The following LUC7L2 variants were observed in gnomAD, a reference collection of about 807,000 sequenced individuals.
LUC7L2 encodes the protein putative RNA-binding protein Luc7-like 2.
A neutral mutation model predicts 52.8 loss-of-function variants in LUC7L2; 25 were observed. The observed-to-expected ratio is 0.47, with a 90% confidence interval of 0.34 to 0.66. The LOEUF is 0.66. Ranked by LOEUF, LUC7L2 falls within the 30% of genes least tolerant of loss-of-function variation. The pLI is 0.01. For synonymous variants in LUC7L2, 144 were observed against 160.9 expected, an observed-to-expected ratio of 0.89 and a Z score of 0.80; for missense variants, 328 against 497.8, an observed-to-expected ratio of 0.66 and a Z score of 3.25.
chr7:139,355,543 A>C (rs1310254798), upstream of LUC7L2, among the ~76,000 whole-genome samples: 1 of 152,212 alleles, frequency 6.6e-6, no homozygotes, highest in East Asian at 1.9e-4. Flanking sequence ...TTCATCAGGG[A>C]ACCAGGAACT....
intron 1 of LUC7L2, among the ~76,000 whole-genome samples, chr7:139,351,020 G>T (rs1339362219): frequency 3.9e-5 from 6 of 152,050 alleles, no homozygotes; most frequent in African/African-American, 1.5e-4. Flanking sequence ...TCAGTTTCAT[G>T]TTCTGTGTAT....
chr7:139,361,903 T>C (rs1799903629), intron 1 of LUC7L2, among the ~76,000 whole-genome samples: 1 of 152,202 alleles, frequency 6.6e-6, no homozygotes, highest in Non-Finnish European at 1.5e-5. Flanking sequence ...ATTTTTGGGA[T>C]CTTCTTCATG....
intron 9 of LUC7L2, 30 bp from the exon 10 acceptor site, chr7:139,422,131 CAT>C: frequency 6.4e-7 from 1 of 1,570,846 alleles, no homozygotes; most frequent in Non-Finnish European, 8.6e-7. Flanking sequence ...GGTTTCCCAA[CAT>C]ATTTTGCTCC....
intron 2 of LUC7L2, among the ~76,000 whole-genome samples, chr7:139,395,506 G>C (rs915521543): frequency 6.6e-6 from 1 of 152,174 alleles, no homozygotes; most frequent in Non-Finnish European, 1.5e-5. Context: ...CATTAAGCAT[G>C]ATGAGGACTT....
At chr7:139,351,847 A>G (rs1799467465) in intron 1 of LUC7L2, among the ~76,000 whole-genome samples, 1 of 152,170 alleles carries the variant, frequency 6.6e-6, no homozygotes, top group Admixed American at 6.5e-5. Flanking sequence ...TTCTTCAACA[A>G]GGATGTATGA....
intron 8 of LUC7L2, among the ~76,000 whole-genome samples, chr7:139,413,818 C>G (rs1447953322): frequency 1.3e-5 from 2 of 152,034 alleles, no homozygotes; most frequent in Non-Finnish European, 2.9e-5. Context: ...TTAGCAACAT[C>G]TATCAATGAT....
intron 1 of LUC7L2, among the ~76,000 whole-genome samples, chr7:139,369,379 G>A (rs545043491): frequency 1.6e-4 from 25 of 152,188 alleles, no homozygotes; most frequent in Admixed American, 1.1e-3. Context: ...GATGTCTCTT[G>A]TAAATTTAAG....
chr7:139,365,199 A>G (rs758489639), intron 1 of LUC7L2, among the ~76,000 whole-genome samples: 1 of 152,228 alleles, frequency 6.6e-6, no homozygotes, highest in African/African-American at 2.4e-5. Context: ...TAATATTTCT[A>G]TCTACACAGC....
At chr7:139,394,646 T>A (rs1271577514) in intron 2 of LUC7L2, among the ~76,000 whole-genome samples, 1 of 152,170 alleles carries the variant, frequency 6.6e-6, no homozygotes, top group African/African-American at 2.4e-5. Context: ...AGGGAACTGA[T>A]GAAAGTAAGA....
Position 139,417,557 on chromosome 7 carries a change from C to G in LUC7L2, c.829C>G (p.Arg277Gly), listed in dbSNP as rs1283916358. 1 of 1,614,054 alleles carries G rather than the reference C, an allele frequency of 6.2e-7. No individual in the cohort carries two copies. The highest frequency in any genetic ancestry group is 8.5e-7 in the Non-Finnish European group (1 of 1,179,968). Reference sequence around the variant, plus strand: ...TGGTAGATCCAGGTCCAGAGAGCATCGCAGACATCGATCTCGCTCCATGTC... The same window carrying G: ...TGGTAGATCCAGGTCCAGAGAGCATGGCAGACATCGATCTCGCTCCATGTC... ...NPKRSRSREH[R>G]RHRSRSMSRE... Residue 277 changes from arginine to glycine, a missense_variant, in exon 9 of 10, where the codon CGC (arginine) becomes GGC (glycine). Arg to Gly is a moderately radical substitution (Grantham distance 125). This residue lies in a region of LUC7L2 where 195 missense variants were observed against 223.3 expected (regional missense o/e 0.87). Transcript: ENST00000354926.
intron 8 of LUC7L2, among the ~76,000 whole-genome samples, chr7:139,413,321 A>G (rs1404952942): frequency 6.6e-6 from 1 of 152,082 alleles, no homozygotes; most frequent in Non-Finnish European, 1.5e-5. Flanking sequence ...AGCTTTCTTC[A>G]TGGATCCATT....
At chr7:139,382,508 G>T (rs961353099) in intron 2 of LUC7L2, among the ~76,000 whole-genome samples, 1 of 151,960 alleles carries the variant, frequency 6.6e-6, no homozygotes, top group Non-Finnish European at 1.5e-5. Flanking sequence ...AGTCTCCCAA[G>T]TAGCTAGAAC....
intron 2 of LUC7L2, among the ~76,000 whole-genome samples, chr7:139,389,323 C>T (rs11979272): frequency 0.16 from 24,486 of 152,100 alleles, 2,065 homozygotes; most frequent in Middle Eastern, 0.27. Context: ...GACTCTTTCA[C>T]CATCTAGTCA....
chr7:139,376,512 A>G (rs1800720974), intron 2 of LUC7L2, among the ~76,000 whole-genome samples: 1 of 152,232 alleles, frequency 6.6e-6, no homozygotes, highest in Admixed American at 6.5e-5. Context: ...CTAGTACGGT[A>G]TACATTTTTG....
chr7:139,420,045 T>TTGTC (rs1795817676), intron 9 of LUC7L2, among the ~76,000 whole-genome samples: 2 of 133,986 alleles, frequency 1.5e-5, no homozygotes, highest in African/African-American at 7.4e-5. Flanking sequence ...TGTGAAATAC[T>TTGTC]TGTCTCTGAT....
In LUC7L2 at chr7:139,360,188, T is replaced by C; in HGVS notation, c.-74T>C. ...ACAGCAGCGCACCTTCCCCCATCCCTTCCCCTTATCCCCCAGCCCAAAAGG... is the reference window on the plus strand; with the variant it reads ...ACAGCAGCGCACCTTCCCCCATCCCCTCCCCTTATCCCCCAGCCCAAAAGG... On this transcript the variant is annotated 5_prime_UTR_variant, in exon 1 of 10. Transcript: ENST00000354926. The C allele has an allele frequency of 1.8e-6, 2 of 1,106,242 alleles. No individual in the cohort carries two copies. The highest frequency in any genetic ancestry group is 2.6e-6 in the Non-Finnish European group (2 of 768,010). The allele number at this position is 1,106,242 out of a possible 1,614,324, so 68.5% of individuals were successfully genotyped here.
At chr7:139,381,929 G>A (rs1801051438) in intron 2 of LUC7L2, among the ~76,000 whole-genome samples, 1 of 137,274 alleles carries the variant, frequency 7.3e-6, no homozygotes, top group African/African-American at 2.7e-5. Context: ...TCTGACACCA[G>A]GCTGGAGTGC....
chr7:139,373,037 A>G (rs908906728), intron 1 of LUC7L2, among the ~76,000 whole-genome samples: 1 of 152,176 alleles, frequency 6.6e-6, no homozygotes, highest in African/African-American at 2.4e-5. Flanking sequence ...AATTGAAAAT[A>G]ATTTCTTGTA....
At chr7:139,364,937 T>G (rs1369567164) in intron 1 of LUC7L2, among the ~76,000 whole-genome samples, 1 of 152,264 alleles carries the variant, frequency 6.6e-6, no homozygotes, top group South Asian at 2.1e-4. Flanking sequence ...ATTGTTCATT[T>G]TAAGTGAAGG....
Sources: gnomAD v4.1 joint callset for allele counts (sites outside exome capture counted in the v4.1 genomes callset) on GRCh38, gnomAD v4.1.1 for gene constraint, gnomAD v4.1.1 regional missense constraint, MANE v1.5 for transcripts, NCBI Gene and HGNC (gene_info 2026-07-23, HGNC 2026-07-21) for gene names.